Variants in SLIT3 observed in about 807,000 individuals in gnomAD.
SLIT3 encodes slit guidance ligand 3, also known as slit homolog 3 protein.
Under a neutral mutation model 184.0 loss-of-function variants are expected in SLIT3, and 68 were observed. The ratio of observed to expected loss-of-function variants is 0.37; its 90% CI spans 0.30 to 0.45. The LOEUF is 0.45. SLIT3 is among the 20% of genes least tolerant of loss of function. SLIT3 has a pLI of 1.00. For missense variants in SLIT3, 1,707 were observed against 2,026.0 expected (o/e 0.84, Z 3.02); for synonymous variants, 831 against 828.6 (o/e 1.00, Z -0.05).
In SLIT3 at chr5:168,663,723, T is replaced by C. The variant is rs1313625938; in HGVS notation, c.*2731A>G. On this transcript the variant is annotated 3_prime_UTR_variant, in exon 36 of 36. Transcript: ENST00000519560. ...ACAAGCCAGGCCTGGCCATATCTCA[T>C]TGCTTTTTAAAAGGCCACTCCCAGG... 6.6e-5 allele frequency: 10 copies of C among 152,188 alleles called. No individual in the cohort carries two copies. Among genetic ancestry groups the C allele is most frequent in the African/African-American group, 2.4e-4 (10 of 41,436 alleles). The allele number at this position is 152,188 out of a possible 1,614,324, so 9.4% of individuals were successfully genotyped here. A position where few individuals can be genotyped will look rare whatever the true frequency, so the allele number is the denominator to read the frequency against.
At chr5:168,780,593 T>C (rs1047481321) in intron 12 of SLIT3, among the ~76,000 whole-genome samples, 2 of 152,202 alleles carry the variant, frequency 1.3e-5, no homozygotes, top group South Asian at 4.1e-4. Context: ...GAAGTAGTTA[T>C]CACCTCTACA....
intron 16 of SLIT3, among the ~76,000 whole-genome samples, chr5:168,756,455 C>T (rs1754950237): frequency 6.6e-6 from 1 of 152,224 alleles, no homozygotes; most frequent in African/African-American, 2.4e-5. Flanking sequence ...CTCCTTACTC[C>T]TTGGCATGAC....
chr5:168,992,180 GAA>G (rs374092371), intron 4 of SLIT3, among the ~76,000 whole-genome samples: 1 of 152,226 alleles, frequency 6.6e-6, no homozygotes, highest in East Asian at 1.9e-4. Flanking sequence ...GCCCCTGGCA[GAA>G]AAGAGAATGA....
At chr5:169,002,310 G>A (rs541701808) in intron 4 of SLIT3, among the ~76,000 whole-genome samples, 22 of 77,314 alleles carry the variant, frequency 2.8e-4, no homozygotes, top group African/African-American at 9.3e-4. Context: ...GCAACAGAAC[G>A]AGACTCTGTC....
At chr5:168,717,733 T>G (rs1391665975) in intron 23 of SLIT3, among the ~76,000 whole-genome samples, 1 of 151,736 alleles carries the variant, frequency 6.6e-6, no homozygotes, top group African/African-American at 2.4e-5. Flanking sequence ...TGATCTCTGC[T>G]CACTGCAAGT....
chr5:168,672,718 C>T (rs1761291300), intron 33 of SLIT3, among the ~76,000 whole-genome samples: 2 of 152,312 alleles, frequency 1.3e-5, no homozygotes, highest in Admixed American at 1.3e-4. Context: ...AAGTGATCCT[C>T]CCACCTCAGC....
At chr5:168,990,042 C>T (rs1755268678) in intron 4 of SLIT3, among the ~76,000 whole-genome samples, 1 of 152,210 alleles carries the variant, frequency 6.6e-6, no homozygotes, top group African/African-American at 2.4e-5. Context: ...GGACAGGGCC[C>T]TCTTCTCAGG....
At position 168,717,463 on chromosome 5, in the gene SLIT3, G is replaced by A. The variant is rs567917541; in HGVS notation, c.2483+4793C>T. Reference sequence around the variant, plus strand: ...CCCCATGGCTCTTCTTTCAGGTATCGCCTTGTGTTGTAGTTGCTTATTTAC... The same window carrying A: ...CCCCATGGCTCTTCTTTCAGGTATCACCTTGTGTTGTAGTTGCTTATTTAC... On this transcript the variant is annotated intron_variant, in intron 23 of 35. Coordinates refer to ENST00000519560, the MANE Select transcript of SLIT3 (RefSeq NM_003062.4). Among the ~76,000 whole-genome samples the A allele has an allele frequency of 8.9e-4, 136 of 152,098 alleles. 2 individuals carry two copies. Among genetic ancestry groups the A allele is most frequent in the Non-Finnish European group, 1.7e-3 (118 of 68,004 alleles).
intron 2 of SLIT3, among the ~76,000 whole-genome samples, chr5:169,249,741 T>A (rs188514165): frequency 6.6e-6 from 1 of 152,330 alleles, no homozygotes; most frequent in Admixed American, 6.5e-5. Context: ...CTGATCTCAG[T>A]CTCGATTCTG....
At chr5:168,982,671 T>G (rs1176040637) in intron 4 of SLIT3, among the ~76,000 whole-genome samples, 1 of 152,196 alleles carries the variant, frequency 6.6e-6, no homozygotes, top group Admixed American at 6.5e-5. Context: ...CTAAGTAGGT[T>G]TGGGCCTGTG....
At position 169,285,564 on chromosome 5, in the gene SLIT3, C is replaced by A. The variant is rs534863034; in HGVS notation, c.197+14949G>T. Reference sequence around the variant, plus strand: ...TACTGTTCAGAGCCACAGAGCAGAGCAGAAGGGGTACTATGTTGCTTTTAA... The same window carrying A: ...TACTGTTCAGAGCCACAGAGCAGAGAAGAAGGGGTACTATGTTGCTTTTAA... On this transcript the variant is annotated intron_variant, in intron 1 of 35. Coordinates refer to ENST00000519560, the MANE Select transcript of SLIT3 (RefSeq NM_003062.4). Among the ~76,000 whole-genome samples the A allele has an allele frequency of 5.9e-5, 9 of 152,292 alleles. No individual in the cohort carries two copies. In the South Asian group the frequency reaches 1.7e-3, roughly 28 times the overall value.
chr5:169,035,035 G>A (rs995977485), intron 4 of SLIT3, among the ~76,000 whole-genome samples: 1 of 151,414 alleles, frequency 6.6e-6, no homozygotes, highest in Non-Finnish European at 1.5e-5. Context: ...GCCCACCTTG[G>A]CCTCCCAAAG....
rs139204635 is a variant in SLIT3, at chr5:169,255,744, G to A, written c.198-4285C>T. Reference sequence around the variant, plus strand: ...TAAAAATACAAAAAATTAGCCGAGCGTGGTGGCGGGTGCCTGTTGTCCCAG... The same window carrying A: ...TAAAAATACAAAAAATTAGCCGAGCATGGTGGCGGGTGCCTGTTGTCCCAG... On this transcript the variant is annotated intron_variant, in intron 1 of 35. Transcript: ENST00000519560. Among the ~76,000 whole-genome samples the A allele has an allele frequency of 5.8e-4, 88 of 152,174 alleles. No homozygotes were observed. The East Asian group carries it at 0.014, about 24-fold the overall frequency.
At chr5:169,216,291 C>T (rs982993951) in intron 3 of SLIT3, among the ~76,000 whole-genome samples, 1 of 152,200 alleles carries the variant, frequency 6.6e-6, no homozygotes, top group Non-Finnish European at 1.5e-5. Context: ...TCTGACACTG[C>T]TTTCCTGTGT....
chr5:168,841,541 A>G (rs1254528759), intron 6 of SLIT3, among the ~76,000 whole-genome samples: 1 of 152,174 alleles, frequency 6.6e-6, no homozygotes, highest in African/African-American at 2.4e-5. Context: ...TGAGTCAAAA[A>G]TGAGGTTGAA....
At chr5:168,672,385 T>TTTTAC (rs1314688100) in intron 33 of SLIT3, among the ~76,000 whole-genome samples, 1 of 152,184 alleles carries the variant, frequency 6.6e-6, no homozygotes, top group Non-Finnish European at 1.5e-5. Flanking sequence ...GCAGTTTTGG[T>TTTTAC]AGCTTTTTTT....
chr5:169,176,923 C>T (rs1274921938), intron 4 of SLIT3, among the ~76,000 whole-genome samples: 1 of 152,140 alleles, frequency 6.6e-6, no homozygotes, highest in African/African-American at 2.4e-5. Context: ...TCGAGGGCTC[C>T]AGAGGCAGAG....
chr5:168,961,175 C>T (rs532755612), intron 4 of SLIT3, among the ~76,000 whole-genome samples: 18 of 152,326 alleles, frequency 1.2e-4, no homozygotes, highest in African/African-American at 4.1e-4. Context: ...GCGTCTTTGA[C>T]TGGATCAAAG....
In SLIT3 at chr5:169,066,581, C is replaced by A. The variant is rs538600831; in HGVS notation, c.413+126898G>T. 3.3e-5 allele frequency among the ~76,000 whole-genome samples: 5 copies of A among 152,284 alleles called. No individual in the cohort carries two copies. The South Asian group carries it at 1.0e-3, about 32-fold the overall frequency. On this transcript the variant is annotated intron_variant, in intron 4 of 35. Transcript: ENST00000519560. ...TATGAAGAAGTAATCAATCCTCATA[C>A]CCTGCTAGTGGAAGTTTACTTTGCT...
Sources: allele counts gnomAD v4.1 joint callset (sites outside exome capture counted in the v4.1 genomes callset), GRCh38; gene constraint gnomAD v4.1.1; transcripts MANE v1.5; gene names NCBI Gene and HGNC (gene_info 2026-07-23, HGNC 2026-07-21).